The following CDK11A variants were observed in gnomAD, a reference collection of about 807,000 sequenced individuals.
CDK11A encodes the protein cyclin-dependent kinase 11A.
A neutral mutation model predicts 83.6 loss-of-function variants in CDK11A; 55 were observed. The ratio of observed to expected loss-of-function variants is 0.66; its 90% CI spans 0.53 to 0.82. CDK11A has a LOEUF of 0.82. Ranked by LOEUF, CDK11A falls within the 40% of genes least tolerant of loss-of-function variation. The probability of loss-of-function intolerance (pLI) is 0.00; values close to 1 mark genes in which losing one functional copy is unlikely to be tolerated. For missense variants in CDK11A, 564 were observed against 810.1 expected, an observed-to-expected ratio of 0.70 and a Z score of 3.69; for synonymous variants, 247 against 302.7, an observed-to-expected ratio of 0.82 and a Z score of 1.91.
At position 1,702,644 on chromosome 1, in the gene CDK11A, A is replaced by G. The variant is rs1644129257; in HGVS notation, c.*263T>C. ...GGCCCAGCCAGCCCCGTGCGTGTCGAGAGTGGGAGAGGGTGTGTGGAGGTT... is the reference window on the plus strand; with the variant it reads ...GGCCCAGCCAGCCCCGTGCGTGTCGGGAGTGGGAGAGGGTGTGTGGAGGTT... On this transcript the variant is annotated 3_prime_UTR_variant, in exon 20 of 20. Coordinates refer to ENST00000404249, the MANE Select transcript of CDK11A (RefSeq NM_024011.4). The G allele has an allele frequency of 1.5e-5, 8 of 550,268 alleles. No homozygotes were observed. Among genetic ancestry groups the G allele is most frequent in the South Asian group, 1.5e-4 (7 of 48,242 alleles). The allele number at this position is 550,268 out of a possible 1,614,324, so 34.1% of individuals were successfully genotyped here.
rs1644848983 is a variant in CDK11A, at chr1:1,720,098, ATTTAT to A, written c.228-648_228-644del. On this transcript the variant is annotated intron_variant, in intron 3 of 19. Transcript: ENST00000404249. ...TTATTTAATTTAATTTTATTTATTT[ATTTAT>A]TTTATTTGAGATTGGAGTCTTGCTC... 1.3e-5 allele frequency among the ~76,000 whole-genome samples: 2 copies of A among 149,990 alleles called. 1 individual carries two copies. Among genetic ancestry groups the A allele is most frequent in the Non-Finnish European group, 3.0e-5 (2 of 67,386 alleles).
chr1:1,723,501 A>G (rs1266402161), intron 1 of CDK11A, among the ~76,000 whole-genome samples: 3 of 67,668 alleles, frequency 4.4e-5, no homozygotes, highest in African/African-American at 1.0e-4. Context: ...AAAAAAAAAA[A>G]AAAAAAAAAA....
intron 3 of CDK11A, among the ~76,000 whole-genome samples, chr1:1,721,036 TG>T (rs2101349706): frequency 1.3e-5 from 2 of 150,704 alleles, no homozygotes; most frequent in South Asian, 4.2e-4. Flanking sequence ...GAGACCATCC[TG>T]GCTAATTTTT....
At chr1:1,718,810 G>A (rs1257800672) in intron 4 of CDK11A, among the ~76,000 whole-genome samples, 2 of 150,424 alleles carry the variant, frequency 1.3e-5, no homozygotes, top group Non-Finnish European at 3.0e-5. Flanking sequence ...CTAATTTTTT[G>A]TATTTTTAGT....
At chr1:1,720,370 T>C (rs994284026) in intron 3 of CDK11A, among the ~76,000 whole-genome samples, 1 of 150,484 alleles carries the variant, frequency 6.6e-6, no homozygotes, top group African/African-American at 2.4e-5. Flanking sequence ...GTGCTGGGAT[T>C]ACAGGTGTGA....
rs757455594 is a variant in CDK11A, at chr1:1,708,283, G to A, written c.1004-38C>T. 57 of 1,416,710 alleles carry A rather than the reference G, an allele frequency of 4.0e-5. 1 individual carries two copies. The highest frequency in any genetic ancestry group is 3.0e-4 in the South Asian group (21 of 69,796). The allele number at this position is 1,416,710 out of a possible 1,614,324, so 87.8% of individuals were successfully genotyped here. On this transcript the variant is annotated intron_variant, in intron 9 of 19. Transcript: ENST00000404249. ...GGAGGCGTCTGCTCAGACCAGCACC[G>A]GGGCGAGTGCTGCCACAGGCAGGAT...
At position 1,702,548 on chromosome 1, in the gene CDK11A, C is replaced by T. The variant is rs1211721550; in HGVS notation, c.*359G>A. ...GGCAAGAGGGCATCGCTCATCCCAA[C>T]ACAGAAACAGGTCTCCAGCTCCGAA... is the stretch of plus-strand genomic sequence containing the variant. On this transcript the variant is annotated 3_prime_UTR_variant, in exon 20 of 20. Transcript: ENST00000404249. Among the ~76,000 whole-genome samples the T allele has an allele frequency of 9.2e-6, 1 of 108,610 alleles. No homozygotes were observed. The highest frequency in any genetic ancestry group is 2.0e-5 in the Non-Finnish European group (1 of 48,946). The allele number at this position is 108,610 out of a possible 152,430, so 71.3% of individuals were successfully genotyped here.
intron 3 of CDK11A, among the ~76,000 whole-genome samples, 160 bp from the exon 4 acceptor site, chr1:1,719,615 CTTT>C (rs750830146): frequency 5.0e-4 from 23 of 46,004 alleles, no homozygotes; most frequent in South Asian, 6.7e-4. Context: ...CTTCAGGCAT[CTTT>C]TTTTTTTTTT....
At position 1,716,574 on chromosome 1, in the gene CDK11A, G is replaced by A. The variant is rs1453723343; in HGVS notation, c.356-96C>T. On this transcript the variant is annotated intron_variant, in intron 4 of 19. Coordinates refer to ENST00000404249, the MANE Select transcript of CDK11A (RefSeq NM_024011.4). ...TACGCCTGTAATCCCAGCACTTTGG[G>A]AGGCCGAGGCGGGTGGATCACCTGA... is the stretch of plus-strand genomic sequence containing the variant. The A allele has an allele frequency of 1.3e-5, 17 of 1,340,268 alleles. 1 individual carries two copies. The highest frequency in any genetic ancestry group is 1.5e-5 in the Non-Finnish European group (14 of 963,602). 83.0% of individuals were successfully genotyped at this position (1,340,268 alleles called of 1,614,324 possible). A position where few individuals can be genotyped will look rare whatever the true frequency, so the allele number is the denominator to read the frequency against.
At chr1:1,719,791 A>G (rs1167772145) in intron 3 of CDK11A, among the ~76,000 whole-genome samples, 1 of 149,986 alleles carries the variant, frequency 6.7e-6, no homozygotes, top group Admixed American at 6.7e-5. Context: ...TAATTTTTGT[A>G]TTTTTAGTAG....
chr1:1,710,841 A>G (rs1644472682), intron 6 of CDK11A, among the ~76,000 whole-genome samples: 2 of 101,570 alleles, frequency 2.0e-5, no homozygotes, highest in Non-Finnish European at 4.4e-5. Flanking sequence ...CATGCTCACA[A>G]TAGACACTAA....
intron 11 of CDK11A, among the ~76,000 whole-genome samples, 185 bp from the exon 12 acceptor site, chr1:1,705,917 C>A (rs1257550906): frequency 4.3e-5 from 6 of 139,514 alleles, no homozygotes; most frequent in African/African-American, 1.4e-4. Flanking sequence ...AACCATCTGA[C>A]ACTTTATTAT....
chr1:1,716,406 C>G lies in CDK11A; in HGVS notation c.428G>C (p.Arg143Pro). The change falls in exon 5 of 20, where the codon CGC (arginine) becomes CCC (proline). Residue 143 changes from arginine to proline, a missense_variant. Arg to Pro is a moderately radical substitution (Grantham distance 103, BLOSUM62 -2). Transcript: ENST00000404249. ...KRHREEQDKA[R>P]REWERQKRRE... is the part of the protein sequence containing the mutation. Reference sequence around the variant, plus strand: ...TCTCTTCTGTCTTTCCCATTCCCGGCGAGCTTTATCCTGTTCTTCTCGATG... The same window carrying G: ...TCTCTTCTGTCTTTCCCATTCCCGGGGAGCTTTATCCTGTTCTTCTCGATG... 6.2e-7 allele frequency: 1 copy of G among 1,608,682 alleles called. No individual in the cohort carries two copies. The highest frequency in any genetic ancestry group is 8.5e-7 in the Non-Finnish European group (1 of 1,176,266).
intron 3 of CDK11A, among the ~76,000 whole-genome samples, chr1:1,721,185 G>A (rs1424689075): frequency 9.6e-6 from 1 of 104,652 alleles, no homozygotes; most frequent in African/African-American, 3.0e-5. Flanking sequence ...CAAGACTCTT[G>A]AGACACCGTC....
At chr1:1,717,542 G>T (rs1644713114) in intron 4 of CDK11A, among the ~76,000 whole-genome samples, 1 of 151,294 alleles carries the variant, frequency 6.6e-6, no homozygotes, top group South Asian at 2.1e-4. Flanking sequence ...CAATATAATG[G>T]GGGAGAGAAA....
At chr1:1,703,706 C>T in intron 17 of CDK11A, 82 bp from the exon 18 acceptor site, 1 of 1,537,084 alleles carries the variant, frequency 6.5e-7, no homozygotes, top group South Asian at 1.2e-5. Context: ...AGACAAGCCA[C>T]CAGGAGGGCT....
At chr1:1,722,257 C>T (rs1047430806) in intron 2 of CDK11A, among the ~76,000 whole-genome samples, 2 of 150,958 alleles carry the variant, frequency 1.3e-5, no homozygotes, top group Non-Finnish European at 3.0e-5. Context: ...ACTAACATCC[C>T]AAATGATGCT....
intron 17 of CDK11A, 80 bp downstream of exon 17, chr1:1,703,744 C>G: frequency 6.4e-7 from 1 of 1,570,486 alleles, no homozygotes; most frequent in African/African-American, 1.4e-5. Flanking sequence ...CCATCTCAAC[C>G]CAGCACCTGT....
chr1:1,723,289 G>A (rs1196694827), intron 1 of CDK11A, among the ~76,000 whole-genome samples: 2 of 68,916 alleles, frequency 2.9e-5, no homozygotes, highest in Non-Finnish European at 7.1e-5. Flanking sequence ...GGATCACAAG[G>A]TCGGGAGGTC....
Sources: allele counts gnomAD v4.1 joint callset (sites outside exome capture counted in the v4.1 genomes callset), GRCh38; gene constraint gnomAD v4.1.1; transcripts MANE v1.5; gene names NCBI Gene and HGNC (gene_info 2026-07-23, HGNC 2026-07-21).